EDN3: variants seen among roughly 807,000 people sequenced by gnomAD.
EDN3 encodes the protein endothelin-3.
A neutral mutation model predicts 21.4 loss-of-function variants in EDN3; 9 were observed. That is an observed-to-expected ratio of 0.42 (90% CI 0.25 to 0.73). The LOEUF is 0.73. EDN3 is among the 30% of genes least tolerant of loss of function. The pLI, the probability that EDN3 is intolerant of heterozygous loss-of-function variation, is 0.26. For missense variants in EDN3, 327 were observed against 309.4 expected (o/e 1.06, Z -0.43); for synonymous variants, 133 against 126.2 (o/e 1.05, Z -0.36).
At chr20:59,303,420 A>G (rs1198578868) in intron 2 of EDN3, among the ~76,000 whole-genome samples, 1 of 152,212 alleles carries the variant, frequency 6.6e-6, no homozygotes, top group Non-Finnish European at 1.5e-5. Context: ...TTGTGCTCTG[A>G]TCAAATTCAC....
chr20:59,309,873 TTGG>T (rs1989684576), intron 2 of EDN3, among the ~76,000 whole-genome samples: 1 of 152,118 alleles, frequency 6.6e-6, no homozygotes. Context: ...AAAAACAGAC[TTGG>T]TGGAATGCAA....
intron 2 of EDN3, 27 bp from the exon 3 acceptor site, chr20:59,320,990 C>T (rs1990498399): frequency 1.2e-6 from 2 of 1,613,892 alleles, no homozygotes; most frequent in African/African-American, 1.3e-5. Context: ...TGGGTGTGCT[C>T]ACCTAACATT....
At chr20:59,309,245 A>G (rs1989637709) in intron 2 of EDN3, among the ~76,000 whole-genome samples, 1 of 152,214 alleles carries the variant, frequency 6.6e-6, no homozygotes, top group African/African-American at 2.4e-5. Flanking sequence ...GTTCAGGAGA[A>G]CAGGAATGAT....
intron 2 of EDN3, among the ~76,000 whole-genome samples, chr20:59,318,362 G>T (rs1197847323): frequency 6.6e-6 from 1 of 152,192 alleles, no homozygotes; most frequent in African/African-American, 2.4e-5. Flanking sequence ...TTAAAAGCTG[G>T]ACCTGCAAGG....
chr20:59,324,513 AC>A lies in EDN3; in HGVS notation c.*55del. On this transcript the variant is annotated 3_prime_UTR_variant, in exon 5 of 5. Transcript: ENST00000337938. ...GGGAGGCTTCTGTCATTGCTCACAC[AC>A]AGTTCAGATTTCCACCTCTTTATAG... is the stretch of plus-strand genomic sequence containing the variant. 2 of 1,611,888 alleles carry A rather than the reference AC, an allele frequency of 1.2e-6. No homozygotes were observed. Among genetic ancestry groups the A allele is most frequent in the Non-Finnish European group, 1.7e-6 (2 of 1,178,766 alleles).
chr20:59,304,953 T>A (rs1001983649), intron 2 of EDN3, among the ~76,000 whole-genome samples: 4 of 152,166 alleles, frequency 2.6e-5, no homozygotes, highest in African/African-American at 7.2e-5. Context: ...TCTTTGCTGT[T>A]GCTGAGCCCC....
rs3026575 is a variant in EDN3, at chr20:59,324,630, G to A, written c.*171G>A. 2,488 of 863,954 alleles carry A rather than the reference G, an allele frequency of 2.9e-3. 97 individuals are homozygous for A. The East Asian group carries it at 0.059, about 21-fold the overall frequency. The allele number at this position is 863,954 out of a possible 1,614,324, so 53.5% of individuals were successfully genotyped here. A position where few individuals can be genotyped will look rare whatever the true frequency, so the allele number is the denominator to read the frequency against. Reference sequence around the variant, plus strand: ...CCCCACGGCAAGAATGCCCAAATCCGAATGACCCCAGTTTTCCTAATGAGT... The same window carrying A: ...CCCCACGGCAAGAATGCCCAAATCCAAATGACCCCAGTTTTCCTAATGAGT... On this transcript the variant is annotated 3_prime_UTR_variant, in exon 5 of 5. Coordinates refer to ENST00000337938, the MANE Select transcript of EDN3 (RefSeq NM_207034.3).
chr20:59,301,102 C>T (rs1192246587), intron 1 of EDN3, among the ~76,000 whole-genome samples: 2 of 152,224 alleles, frequency 1.3e-5, no homozygotes, highest in South Asian at 2.1e-4. Flanking sequence ...CCTGGGCCGA[C>T]TTGGTCAATT....
intron 2 of EDN3, among the ~76,000 whole-genome samples, chr20:59,308,906 G>A (rs1347469190): frequency 1.3e-5 from 2 of 152,168 alleles, no homozygotes; most frequent in Non-Finnish European, 2.9e-5. Flanking sequence ...GTGCCCCGGA[G>A]CAAACCTGTC....
At chr20:59,301,068 C>G (rs1040878336) in intron 1 of EDN3, among the ~76,000 whole-genome samples, 1 of 152,156 alleles carries the variant, frequency 6.6e-6, no homozygotes, top group South Asian at 2.1e-4. Flanking sequence ...AGTTGCAGCC[C>G]GCGCACTGGC....
intron 2 of EDN3, among the ~76,000 whole-genome samples, chr20:59,308,882 T>G (rs988574282): frequency 1.3e-5 from 2 of 152,180 alleles, no homozygotes; most frequent in Admixed American, 1.3e-4. Context: ...CTGACTCTGA[T>G]CTTAGCTCCT....
At position 59,324,382 on chromosome 20, in the gene EDN3, A is replaced by T; in HGVS notation, c.640A>T (p.Lys214Ter). The change falls in exon 5 of 5, where the codon AAG (lysine) becomes TAG (stop). Residue 214 changes from lysine (K) to a stop codon, truncating the protein, a stop_gained. Coordinates refer to ENST00000337938, the MANE Select transcript of EDN3 (RefSeq NM_207034.3). LOFTEE classifies it low-confidence loss of function (END_TRUNC). The part of the protein sequence containing the change: ...SKQALDLHHP[K>*]LMPGSGLALA... ...GCAGGCTTTAGACCTCCACCATCCAAAGCTCATGCCCGGCAGTGGACTCGC... is the reference window on the plus strand; with the variant it reads ...GCAGGCTTTAGACCTCCACCATCCATAGCTCATGCCCGGCAGTGGACTCGC... 1 of 1,614,050 alleles carries T rather than the reference A, an allele frequency of 6.2e-7. No homozygotes were observed.
chr20:59,319,359 A>C (rs1464147535), intron 2 of EDN3, among the ~76,000 whole-genome samples: 1 of 152,170 alleles, frequency 6.6e-6, no homozygotes, highest in East Asian at 1.9e-4. Context: ...TCACTGTCGC[A>C]AAAAGGCTTT....
chr20:59,301,785 C>G (rs1284555088), intron 2 of EDN3, 63 bp downstream of exon 2: 1 of 1,565,032 alleles, frequency 6.4e-7, no homozygotes, highest in East Asian at 2.2e-5. Context: ...TGCTCATTCC[C>G]AGGAGGACCT....
chr20:59,307,551 A>G (rs1989511023), intron 2 of EDN3, among the ~76,000 whole-genome samples: 1 of 152,240 alleles, frequency 6.6e-6, no homozygotes, highest in Non-Finnish European at 1.5e-5. Context: ...ATGCCATCTT[A>G]GATGACTCCT....
chr20:59,310,997 G>A (rs555692353), intron 2 of EDN3, among the ~76,000 whole-genome samples: 1 of 152,230 alleles, frequency 6.6e-6, no homozygotes, highest in Non-Finnish European at 1.5e-5. Context: ...GCACCAGAAA[G>A]TAGGAAAAAA....
chr20:59,323,289 G>C (rs954122303), intron 4 of EDN3, among the ~76,000 whole-genome samples: 1 of 152,154 alleles, frequency 6.6e-6, no homozygotes. Context: ...GTCAGACCCA[G>C]ATGGTCCCAC....
At chr20:59,317,701 C>T (rs1990270209) in intron 2 of EDN3, among the ~76,000 whole-genome samples, 1 of 152,176 alleles carries the variant, frequency 6.6e-6, no homozygotes, top group South Asian at 2.1e-4. Context: ...TACATTGATA[C>T]CACGTATATA....
At chr20:59,317,074 G>T (rs190031131) in intron 2 of EDN3, among the ~76,000 whole-genome samples, 4 of 152,312 alleles carry the variant, frequency 2.6e-5, no homozygotes, top group South Asian at 2.1e-4. Context: ...GCTGGTCAAA[G>T]GTTCTCCGCC....
Sources: allele counts gnomAD v4.1 joint callset (sites outside exome capture counted in the v4.1 genomes callset), GRCh38; gene constraint gnomAD v4.1.1; transcripts MANE v1.5; gene names NCBI Gene and HGNC (gene_info 2026-07-23, HGNC 2026-07-21).